Variants in CHST8 observed in about 807,000 individuals in gnomAD.
CHST8 encodes carbohydrate sulfotransferase 8, also known as GALNAC-4-ST1.
In CHST8, 10 loss-of-function variants were observed where a neutral mutation model predicts 15.0. That is an observed-to-expected ratio of 0.67 (90% confidence interval 0.41 to 1.13). CHST8 has a LOEUF of 1.13. CHST8 is among the 50% of genes most tolerant of loss of function. The probability of loss-of-function intolerance (pLI) is 0.00; values close to 1 mark genes in which losing one functional copy is unlikely to be tolerated. For missense variants in CHST8, 634 were observed against 608.2 expected (o/e 1.04, Z -0.45); for synonymous variants, 259 against 256.6 (o/e 1.01, Z -0.09).
chr19:33,671,071 A>G (rs954183081), intron 2 of CHST8, among the ~76,000 whole-genome samples: 1 of 152,110 alleles, frequency 6.6e-6, no homozygotes, highest in Non-Finnish European at 1.5e-5. Context: ...TCACTCACAT[A>G]TAACGAGCAG....
intron 3 of CHST8, among the ~76,000 whole-genome samples, chr19:33,735,815 T>C (rs1459379948): frequency 6.6e-6 from 1 of 152,194 alleles, no homozygotes; most frequent in Non-Finnish European, 1.5e-5. Context: ...CGAGACTCCG[T>C]CTCAAAGAAA....
intron 3 of CHST8, among the ~76,000 whole-genome samples, chr19:33,758,020 C>G (rs1334510922): frequency 6.6e-6 from 1 of 152,108 alleles, no homozygotes; most frequent in Non-Finnish European, 1.5e-5. Context: ...TATCCAGACC[C>G]TCGGCAGGGA....
chr19:33,697,770 G>C (rs1345595124), intron 3 of CHST8, among the ~76,000 whole-genome samples: 1 of 152,180 alleles, frequency 6.6e-6, no homozygotes, highest in Non-Finnish European at 1.5e-5. Flanking sequence ...AGAGAGAACA[G>C]TGTGGATAAA....
In CHST8 at chr19:33,650,518, C is replaced by CTTTTTTT. The variant is rs869057036; in HGVS notation, c.-163-17226_-163-17220dup. Among the ~76,000 whole-genome samples the CTTTTTTT allele has an allele frequency of 7.8e-4, 28 of 36,108 alleles. 1 individual carries two copies. Among genetic ancestry groups the CTTTTTTT allele is most frequent in the East Asian group, 2.9e-3 (3 of 1,050 alleles). The allele number at this position is 36,108 out of a possible 152,430, so 23.7% of individuals were successfully genotyped here. Reference sequence around the variant, plus strand: ...TTCTTTTTCTTTTTCTTTTTCTTTTCTTTTTTTTTTTTTTTTTTTTTTTTT... The same window carrying CTTTTTTT: ...TTCTTTTTCTTTTTCTTTTTCTTTTCTTTTTTTTTTTTTTTTTTTTTTTTTTTTTTTT... On this transcript the variant is annotated intron_variant, in intron 1 of 4. Transcript: ENST00000650847.
chr19:33,692,003 C>A (rs1480323190), intron 3 of CHST8, among the ~76,000 whole-genome samples: 1 of 152,098 alleles, frequency 6.6e-6, no homozygotes, highest in African/African-American at 2.4e-5. Flanking sequence ...TGGGGCCTGG[C>A]CTCATTCACG....
At chr19:33,732,332 T>G (rs1599597551) in intron 3 of CHST8, among the ~76,000 whole-genome samples, 1 of 152,098 alleles carries the variant, frequency 6.6e-6, no homozygotes, top group Admixed American at 6.5e-5. Flanking sequence ...CATACTGTCC[T>G]GACACTGACC....
Position 33,751,570 on chromosome 19 carries a change from T to C in CHST8, c.131-19843T>C, listed in dbSNP as rs552498378. Among the ~76,000 whole-genome samples the C allele has an allele frequency of 5.9e-5, 9 of 152,214 alleles. No individual in the cohort carries two copies. In the East Asian group the frequency reaches 1.8e-3, roughly 30 times the overall value. ...CTGATGGTGGACACTGGCTTAATGA[T>C]AGTGAGACGTTCTGTGAACCCCCCA... On this transcript the variant is annotated intron_variant, in intron 3 of 4. Transcript: ENST00000650847.
At chr19:33,644,239 T>C (rs1972320844) in intron 1 of CHST8, among the ~76,000 whole-genome samples, 1 of 152,174 alleles carries the variant, frequency 6.6e-6, no homozygotes, top group African/African-American at 2.4e-5. Context: ...AGATTTACTG[T>C]ATTTATTATT....
chr19:33,697,096 G>C (rs1973233038), intron 3 of CHST8, among the ~76,000 whole-genome samples: 1 of 151,732 alleles, frequency 6.6e-6, no homozygotes, highest in Admixed American at 6.6e-5. Context: ...ACCTGCCTCA[G>C]CCTCCCAAAG....
intron 3 of CHST8, among the ~76,000 whole-genome samples, chr19:33,699,364 G>C (rs1973288178): frequency 6.6e-6 from 1 of 152,194 alleles, no homozygotes; most frequent in Non-Finnish European, 1.5e-5. Context: ...GCAGTGGAGG[G>C]GAGACCTGGC....
chr19:33,760,467 A>G (rs1044942210), intron 3 of CHST8, among the ~76,000 whole-genome samples: 6 of 151,006 alleles, frequency 4.0e-5, no homozygotes, highest in Non-Finnish European at 7.4e-5. Flanking sequence ...ACAGGTGCCC[A>G]TCACTGTGCC....
intron 3 of CHST8, among the ~76,000 whole-genome samples, chr19:33,740,779 CACAAGTCTTG>C (rs1416834004): frequency 6.6e-6 from 1 of 152,198 alleles, no homozygotes; most frequent in Non-Finnish European, 1.5e-5. Context: ...ACAGTGCACA[CACAAGTCTTG>C]GTTTCTGAAC....
intron 1 of CHST8, among the ~76,000 whole-genome samples, chr19:33,648,824 A>G (rs1281555581): frequency 1.9e-5 from 2 of 106,818 alleles, no homozygotes; most frequent in African/African-American, 3.0e-5. Context: ...CCATCAATAG[A>G]TGAATGGATA....
chr19:33,708,952 T>C (rs566254591), intron 3 of CHST8, among the ~76,000 whole-genome samples: 1 of 152,248 alleles, frequency 6.6e-6, no homozygotes, highest in Non-Finnish European at 1.5e-5. Context: ...CTTTCTTTAG[T>C]TAAATTTATT....
chr19:33,681,870 CT>C (rs113510674), intron 2 of CHST8, among the ~76,000 whole-genome samples: 1,457 of 139,102 alleles, frequency 0.01, 3 homozygotes, highest in African/African-American at 0.01. Flanking sequence ...TTGGGTTTTG[CT>C]TTTTTTTTTT....
chr19:33,712,972 T>C (rs1345935473), intron 3 of CHST8, among the ~76,000 whole-genome samples: 3 of 152,144 alleles, frequency 2.0e-5, no homozygotes. Flanking sequence ...CCTCCTTCAA[T>C]GATGTATATG....
chr19:33,661,867 C>CAAAAA (rs34236738), intron 1 of CHST8, among the ~76,000 whole-genome samples: 1 of 76,662 alleles, frequency 1.3e-5, no homozygotes, highest in African/African-American at 4.3e-5. Context: ...TTCATCTTTA[C>CAAAAA]AAAAAAAAAA....
chr19:33,689,547 G>T (rs1034477279), intron 3 of CHST8, among the ~76,000 whole-genome samples, 156 bp downstream of exon 3: 1 of 152,228 alleles, frequency 6.6e-6, no homozygotes, highest in Admixed American at 6.5e-5. Context: ...CGGGGAAGGC[G>T]TTAGTCTCAA....
At chr19:33,752,451 A>G (rs1974439400) in intron 3 of CHST8, among the ~76,000 whole-genome samples, 1 of 152,212 alleles carries the variant, frequency 6.6e-6, no homozygotes, top group Non-Finnish European at 1.5e-5. Context: ...GGAAGTATAT[A>G]TTAACTGATT....
Sources: gnomAD v4.1 joint callset for allele counts (sites outside exome capture counted in the v4.1 genomes callset) on GRCh38, gnomAD v4.1.1 for gene constraint, MANE v1.5 for transcripts, NCBI Gene and HGNC (gene_info 2026-07-23, HGNC 2026-07-21) for gene names.